Variants in HSD11B1 observed in about 807,000 individuals in gnomAD.
HSD11B1 encodes hydroxysteroid 11-beta dehydrogenase 1.
In HSD11B1, 15 loss-of-function variants were observed where a neutral mutation model predicts 22.1. The ratio of observed to expected loss-of-function variants is 0.68; its 90% confidence interval spans 0.45 to 1.04. HSD11B1 has a LOEUF of 1.04. HSD11B1 is among the 50% of genes least tolerant of loss of function. The pLI, the probability that HSD11B1 is intolerant of heterozygous loss-of-function variation, is 0.00. For synonymous variants in HSD11B1, 122 were observed against 125.2 expected (o/e 0.97, Z 0.17); for missense variants, 281 against 357.6 (o/e 0.79, Z 1.73).
chr1:209,709,893 T>C (rs546222536), intron 4 of HSD11B1, among the ~76,000 whole-genome samples: 1 of 150,018 alleles, frequency 6.7e-6, no homozygotes. Flanking sequence ...AAAAAACACA[T>C]AAGACTAGAA....
chr1:209,723,883 C>T (rs865826399), intron 4 of HSD11B1: 10 of 152,396 alleles, frequency 6.6e-5, no homozygotes, highest in Middle Eastern at 6.8e-3. Flanking sequence ...ATGATCAAAT[C>T]TGACTCTTGC....
rs2077012398 is a variant in HSD11B1 at position 209,727,722 on chromosome 1, T to C, written c.518-4714T>C. Among the ~76,000 whole-genome samples the C allele has an allele frequency of 2.6e-5, 4 of 152,318 alleles. No homozygotes were observed. In the South Asian group the frequency reaches 8.3e-4, roughly 32 times the overall value. On this transcript the variant is annotated intron_variant, in intron 4 of 5. Transcript: ENST00000367027. ...AAACTTTGAGCATTTATCCTTTAGATTCTACACTGGCACATAAGAGCTAAA... is the reference window on the plus strand; with the variant it reads ...AAACTTTGAGCATTTATCCTTTAGACTCTACACTGGCACATAAGAGCTAAA...
chr1:209,732,668 A>G, intron 5 of HSD11B1, 89 bp downstream of exon 5: 1 of 1,081,000 alleles, frequency 9.3e-7, no homozygotes, highest in Non-Finnish European at 1.4e-6. Context: ...TTACATATGT[A>G]TGCATGTGCC....
In HSD11B1 at chr1:209,706,620, A is replaced by G; in HGVS notation, c.220-89A>G. ...TCTTACCTAAACAGGGCTGTGAGCA[A>G]TCTCTCATTTAAGCCCCCCGTTACT... On this transcript the variant is annotated intron_variant, in intron 2 of 5. Transcript: ENST00000367027. This position sits in a 1 kb window ranked among gnomAD's most constrained non-coding sequence, Gnocchi z 4.0. 6.0e-6 allele frequency: 5 copies of G among 838,732 alleles called. No individual in the cohort carries two copies. Among genetic ancestry groups the G allele is most frequent in the South Asian group, 5.3e-5 (4 of 75,050 alleles). 52.0% of individuals were successfully genotyped at this position (838,732 alleles called of 1,614,324 possible).
At chr1:209,720,834 G>T (rs1188986322) in intron 4 of HSD11B1, among the ~76,000 whole-genome samples, 1 of 152,044 alleles carries the variant, frequency 6.6e-6, no homozygotes, top group East Asian at 1.9e-4. Flanking sequence ...CCCCAAAAAA[G>T]ATATATCTAC....
intron 1 of HSD11B1, among the ~76,000 whole-genome samples, chr1:209,694,742 T>G (rs1174559078): frequency 3.3e-5 from 5 of 152,250 alleles, no homozygotes; most frequent in African/African-American, 1.2e-4. Flanking sequence ...TGGTGAGCCA[T>G]GAGGCTTTTG....
chr1:209,710,466 T>C (rs1184818783), intron 4 of HSD11B1, among the ~76,000 whole-genome samples: 1 of 152,216 alleles, frequency 6.6e-6, no homozygotes, highest in Non-Finnish European at 1.5e-5. Context: ...TTTTCAGAAC[T>C]CACCAGAGCC....
chr1:209,730,806 C>T (rs995150684), intron 4 of HSD11B1, among the ~76,000 whole-genome samples: 2 of 152,172 alleles, frequency 1.3e-5, no homozygotes, highest in Non-Finnish European at 2.9e-5. Context: ...AATTCCAATT[C>T]CGATAACTGC....
intron 4 of HSD11B1, among the ~76,000 whole-genome samples, chr1:209,727,438 G>T (rs1402896559): frequency 1.3e-5 from 2 of 152,188 alleles, no homozygotes; most frequent in Non-Finnish European, 2.9e-5. Context: ...TTATTTATGG[G>T]TATCCTCATC....
intron 1 of HSD11B1, among the ~76,000 whole-genome samples, chr1:209,694,052 C>T (rs10082169): frequency 0.81 from 123,741 of 152,028 alleles, 50,843 homozygotes; most frequent in Non-Finnish European, 0.87. Context: ...CCTCCCCTTC[C>T]GCCCAACCCT....
intron 1 of HSD11B1, among the ~76,000 whole-genome samples, chr1:209,694,967 C>T (rs1270045512): frequency 6.6e-6 from 1 of 152,164 alleles, no homozygotes; most frequent in Non-Finnish European, 1.5e-5. Context: ...AAATTGTAAT[C>T]CCCAGGTGTT....
Position 209,704,973 on chromosome 1 carries a change from A to G in HSD11B1, c.31A>G (p.Ile11Val), listed in dbSNP as rs772045624. The G allele has an allele frequency of 2.5e-6, 4 of 1,613,860 alleles. No individual in the cohort carries two copies. The Admixed American group carries it at 6.7e-5, about 27-fold the overall frequency. ...TTTTATGAAAAAATATCTCCTCCCC[A>G]TTCTGGGGCTCTTCATGGCCTACTA... MAFMKKYLLP[I>V]LGLFMAYYYY... is the part of the protein sequence containing the mutation. Residue 11 changes from isoleucine (I) to valine (V), a missense_variant, in exon 1 of 6, where the codon ATT (isoleucine) becomes GTT (valine). Ile to Val is a conservative substitution (Grantham distance 29). Coordinates refer to ENST00000367027, the MANE Select transcript of HSD11B1 (RefSeq NM_005525.4).
chr1:209,720,282 G>A (rs2076957290), intron 4 of HSD11B1, among the ~76,000 whole-genome samples: 1 of 152,244 alleles, frequency 6.6e-6, no homozygotes, highest in East Asian at 1.9e-4. Context: ...TTGATGGGGT[G>A]CAACGTGAAG....
rs146401646 is a variant in HSD11B1 at position 209,711,840 on chromosome 1, A to G, written c.517+4712A>G. On this transcript the variant is annotated intron_variant, in intron 4 of 5. Coordinates refer to ENST00000367027, the MANE Select transcript of HSD11B1 (RefSeq NM_005525.4). ...GGAATTCAGTTCTGCATCAGCCCCA[A>G]AAAGAAAGGAGTGGGGGAGATTTGA... Among the ~76,000 whole-genome samples the G allele has an allele frequency of 7.3e-3, 1,105 of 152,300 alleles. 9 individuals carry two copies. Among genetic ancestry groups the G allele is most frequent in the African/African-American group, 0.024 (1,012 of 41,552 alleles).
intron 1 of HSD11B1, among the ~76,000 whole-genome samples, chr1:209,690,836 A>C (rs1176584514): frequency 6.6e-6 from 1 of 152,152 alleles, no homozygotes; most frequent in Non-Finnish European, 1.5e-5. Context: ...AGATCAGCTC[A>C]GGAGCTCTAA....
At position 209,706,940 on chromosome 1, in the gene HSD11B1, C is replaced by A; in HGVS notation, c.332-3C>A. On this transcript the variant is annotated splice_polypyrimidine_tract_variant and splice_region_variant and intron_variant, in intron 3 of 5. Transcript: ENST00000367027. This position sits in a 1 kb window ranked among gnomAD's most constrained non-coding sequence, Gnocchi z 4.0. ...GATTTCTTAATATAGCCATCTCTTG[C>A]AGGAGGACTAGACATGCTCATTCTC... The A allele has an allele frequency of 6.2e-7, 1 of 1,613,536 alleles. No homozygotes were observed. Among genetic ancestry groups the A allele is most frequent in the Non-Finnish European group, 8.5e-7 (1 of 1,179,456 alleles).
chr1:209,696,275 T>C (rs1360606522), intron 1 of HSD11B1, among the ~76,000 whole-genome samples: 1 of 152,218 alleles, frequency 6.6e-6, no homozygotes, highest in Non-Finnish European at 1.5e-5. Context: ...ATTGCAGTAA[T>C]GATTTCTCAA....
rs2076860111 is a variant in HSD11B1 at position 209,706,552 on chromosome 1, G to T, written c.220-157G>T. 1.3e-5 allele frequency among the ~76,000 whole-genome samples: 2 copies of T among 152,200 alleles called. No homozygotes were observed. The highest frequency in any genetic ancestry group is 4.1e-4 in the South Asian group (2 of 4,828). ...ATTTCAGACAGAGGACGATGATCAT[G>T]AGGGTTATATTAGGCAACACACACA... On this transcript the variant is annotated intron_variant, in intron 2 of 5. Coordinates refer to ENST00000367027, the MANE Select transcript of HSD11B1 (RefSeq NM_005525.4). The surrounding 1 kb of genome is among the most constrained non-coding windows in gnomAD (Gnocchi z 4.0).
At position 209,731,800 on chromosome 1, in the gene HSD11B1, C is replaced by T. The variant is rs754303021; in HGVS notation, c.518-636C>T. Among the ~76,000 whole-genome samples the T allele has an allele frequency of 3.9e-5, 6 of 152,104 alleles. No individual in the cohort carries two copies. The East Asian group carries it at 5.8e-4, about 15-fold the overall frequency. The stretch of plus-strand genomic sequence containing the variant: ...CGCGATCTCAGCTCACTGCAACTTC[C>T]GCCTCCCAAATTCAAGCGATTCACC... On this transcript the variant is annotated intron_variant, in intron 4 of 5. Coordinates refer to ENST00000367027, the MANE Select transcript of HSD11B1 (RefSeq NM_005525.4).
Sources: allele counts gnomAD v4.1 joint callset (sites outside exome capture counted in the v4.1 genomes callset), GRCh38; gene constraint gnomAD v4.1.1; non-coding constraint Gnocchi (gnomAD v3.1); transcripts MANE v1.5; gene names NCBI Gene and HGNC (gene_info 2026-07-23, HGNC 2026-07-21).